Variants in ZNF652 observed in about 807,000 individuals in gnomAD.
The protein encoded by ZNF652 is zinc finger protein 652.
Under a neutral mutation model 45.2 loss-of-function variants are expected in ZNF652, and 16 were observed. That is an observed-to-expected ratio of 0.35 (90% CI 0.24 to 0.54). The LOEUF (loss-of-function observed/expected upper bound fraction) is 0.54. ZNF652 is among the 20% of genes least tolerant of loss of function. The probability of loss-of-function intolerance (pLI) is 0.91; values close to 1 mark genes in which losing one functional copy is unlikely to be tolerated. For synonymous variants in ZNF652, 250 were observed against 260.6 expected (o/e 0.96, Z 0.39); for missense variants, 614 against 765.6 (o/e 0.80, Z 2.34).
chr17:49,341,350 A>C (rs2070143833), intron 1 of ZNF652, among the ~76,000 whole-genome samples: 1 of 152,066 alleles, frequency 6.6e-6, no homozygotes. Flanking sequence ...TGGCCTGACA[A>C]GGAAAAGAAA....
chr17:49,344,872 G>C (rs537208187), intron 1 of ZNF652, among the ~76,000 whole-genome samples: 1 of 152,250 alleles, frequency 6.6e-6, no homozygotes, highest in African/African-American at 2.4e-5. Flanking sequence ...AAGGAATGTG[G>C]CTAGGACAAC....
rs373292622 is a variant in ZNF652 at position 49,361,842 on chromosome 17, G to A, written c.-259+67C>T. On this transcript the variant is annotated intron_variant, in intron 1 of 5. Transcript: ENST00000430262. ...CCGGGCCGGCCCCGCGGGCGGCGGA[G>A]AGGAAGGGCTGCCGGGGGCGCCGCC... 4.0e-5 allele frequency: 6 copies of A among 151,350 alleles called. No homozygotes were observed. In the East Asian group the frequency reaches 5.9e-4, roughly 15 times the overall value. 9.4% of individuals were successfully genotyped at this position (151,350 alleles called of 1,614,324 possible).
chr17:49,307,694 G>T (rs772197948), intron 5 of ZNF652, among the ~76,000 whole-genome samples: 1 of 152,010 alleles, frequency 6.6e-6, no homozygotes, highest in East Asian at 1.9e-4. Flanking sequence ...AGAGGTCGCA[G>T]TGAGCTGAGA....
intron 1 of ZNF652, among the ~76,000 whole-genome samples, chr17:49,353,882 A>G (rs995232112): frequency 1.3e-5 from 2 of 152,230 alleles, no homozygotes; most frequent in East Asian, 1.9e-4. Flanking sequence ...TTCTGTGGAC[A>G]TGTATTAGTA....
chr17:49,338,830 G>C (rs1024162778), intron 1 of ZNF652, among the ~76,000 whole-genome samples: 2 of 152,082 alleles, frequency 1.3e-5, no homozygotes, highest in South Asian at 4.1e-4. Flanking sequence ...GAGAAGAAAA[G>C]GATAACAATG....
In ZNF652 at chr17:49,297,872, T is replaced by C. The variant is rs563660437; in HGVS notation, c.*541A>G. On this transcript the variant is annotated 3_prime_UTR_variant, in exon 6 of 6. Transcript: ENST00000430262. Reference sequence around the variant, plus strand: ...TTCTGTAGTAAAATAAAGAGTGCGTTAGGAGAGCTACACAAAGAAGAAAAT... The same window carrying C: ...TTCTGTAGTAAAATAAAGAGTGCGTCAGGAGAGCTACACAAAGAAGAAAAT... 7 of 154,030 alleles carry C rather than the reference T, an allele frequency of 4.5e-5. No homozygotes were observed. The highest frequency in any genetic ancestry group is 1.4e-4 in the African/African-American group (6 of 41,550). The allele number at this position is 154,030 out of a possible 1,614,324, so 9.5% of individuals were successfully genotyped here. A position where few individuals can be genotyped will look rare whatever the true frequency, so the allele number is the denominator to read the frequency against.
chr17:49,350,524 G>C (rs532290405), intron 1 of ZNF652, among the ~76,000 whole-genome samples: 78 of 139,578 alleles, frequency 5.6e-4, no homozygotes, highest in African/African-American at 2.1e-3. Flanking sequence ...AGGTGACAGA[G>C]ATGAGAGACT....
chr17:49,298,688 C>T lies in ZNF652; in HGVS notation c.1546G>A (p.Val516Ile), dbSNP rs775915775. Residue 516 changes from valine (V) to isoleucine (I), a missense_variant, in exon 6 of 6, where the codon GTT (valine) becomes ATT (isoleucine). Transcript: ENST00000430262. Reference sequence around the variant, plus strand: ...GTGGCTGTGTTCACCACAGAAGGAACTGGGGTGGCTGGGGAAGTTGTAAGT... The same window carrying T: ...GTGGCTGTGTTCACCACAGAAGGAATTGGGGTGGCTGGGGAAGTTGTAAGT... ...IPLTTSPATP[V>I]PSVVNTATTP... 5.0e-6 allele frequency: 8 copies of T among 1,613,818 alleles called. No individual in the cohort carries two copies. The highest frequency in any genetic ancestry group is 4.4e-5 in the South Asian group (4 of 91,060).
At chr17:49,332,080 TTGGCCAGCG>T (rs1567692381) in intron 1 of ZNF652, among the ~76,000 whole-genome samples, 1 of 152,088 alleles carries the variant, frequency 6.6e-6, no homozygotes, top group African/African-American at 2.4e-5. Context: ...CAAGACCAGC[TTGGCCAGCG>T]TGGCAAAACC....
chr17:49,327,719 T>C (rs901154671), intron 1 of ZNF652, among the ~76,000 whole-genome samples: 1 of 106,464 alleles, frequency 9.4e-6, no homozygotes, highest in Admixed American at 1.1e-4. Flanking sequence ...GTGTCTACTT[T>C]TAAATAAATA....
rs2069483568 is a variant in ZNF652, at chr17:49,296,815, C to T, written c.*1598G>A. 1 of 152,104 alleles carries T rather than the reference C, an allele frequency of 6.6e-6. No individual in the cohort carries two copies. The highest frequency in any genetic ancestry group is 1.5e-5 in the Non-Finnish European group (1 of 68,022). 9.4% of individuals were successfully genotyped at this position (152,104 alleles called of 1,614,324 possible). On this transcript the variant is annotated 3_prime_UTR_variant, in exon 6 of 6. Coordinates refer to ENST00000430262, the MANE Select transcript of ZNF652 (RefSeq NM_001145365.3). ...CTCAGTTCTCTCAGATAAAGAAATA[C>T]AAAATTTTAAGCTATACTGAGTCTG... is the stretch of plus-strand genomic sequence containing the variant.
At chr17:49,318,620 C>T (rs978445412) in intron 1 of ZNF652, among the ~76,000 whole-genome samples, 4 of 152,160 alleles carry the variant, frequency 2.6e-5, no homozygotes, top group Admixed American at 6.5e-5. Flanking sequence ...CTAGATACTA[C>T]GCAATATGCT....
chr17:49,317,586 GACA>G lies in ZNF652; in HGVS notation c.137_139del (p.Leu46_Ser47delinsPro). The stretch of plus-strand genomic sequence containing the variant: ...TGATTCCCTTTTGTACACTTTGGTG[GACA>G]GGTCAAGTTCTTGGTTGGCACCATG... On this transcript the variant is annotated inframe_deletion, in exon 2 of 6. Coordinates refer to ENST00000430262, the MANE Select transcript of ZNF652 (RefSeq NM_001145365.3). 1 of 1,614,082 alleles carries G rather than the reference GACA, an allele frequency of 6.2e-7. No individual in the cohort carries two copies. The highest frequency in any genetic ancestry group is 8.5e-7 in the Non-Finnish European group (1 of 1,180,016).
chr17:49,326,121 CA>C (rs2069953274), intron 1 of ZNF652, among the ~76,000 whole-genome samples: 1 of 150,608 alleles, frequency 6.6e-6, no homozygotes, highest in South Asian at 2.1e-4. Context: ...ATGTAGCAAA[CA>C]TAAGTATGGG....
At chr17:49,354,720 A>C (rs1298286977) in intron 1 of ZNF652, among the ~76,000 whole-genome samples, 3 of 151,836 alleles carry the variant, frequency 2.0e-5, no homozygotes, top group Non-Finnish European at 2.9e-5. Context: ...TACCTAGCTT[A>C]TTTCTTTTTC....
chr17:49,342,214 T>C (rs1232814299), intron 1 of ZNF652, among the ~76,000 whole-genome samples: 1 of 151,612 alleles, frequency 6.6e-6, no homozygotes, highest in African/African-American at 2.4e-5. Flanking sequence ...TTTTCTCAAA[T>C]CTAAAGTATT....
chr17:49,358,616 G>A (rs1354703857), intron 1 of ZNF652, among the ~76,000 whole-genome samples: 9 of 152,064 alleles, frequency 5.9e-5, no homozygotes, highest in Admixed American at 3.9e-4. Context: ...TTACCTCTTC[G>A]TTAGGCTTCA....
chr17:49,324,314 G>A (rs1423689752), intron 1 of ZNF652, among the ~76,000 whole-genome samples: 3 of 152,204 alleles, frequency 2.0e-5, no homozygotes, highest in African/African-American at 7.2e-5. Flanking sequence ...TGGCCTAAAG[G>A]AATGTTGTGT....
At chr17:49,309,152 G>A (rs570511326) in intron 5 of ZNF652, among the ~76,000 whole-genome samples, 5 of 151,976 alleles carry the variant, frequency 3.3e-5, no homozygotes, top group African/African-American at 1.2e-4. Flanking sequence ...GCATCTATGT[G>A]CCAAGCAGTG....
Sources: gnomAD v4.1 joint callset for allele counts (sites outside exome capture counted in the v4.1 genomes callset) on GRCh38, gnomAD v4.1.1 for gene constraint, MANE v1.5 for transcripts, NCBI Gene and HGNC (gene_info 2026-07-23, HGNC 2026-07-21) for gene names.